ASIC2: variants seen among roughly 807,000 people sequenced by gnomAD.
The protein encoded by ASIC2 is acid sensing ion channel subunit 2.
In ASIC2, 25 loss-of-function variants were observed where a neutral mutation model predicts 57.3. That is an observed-to-expected ratio of 0.44 (90% CI 0.32 to 0.61). The LOEUF (loss-of-function observed/expected upper bound fraction) is 0.61, where lower values mean the gene tolerates loss of function less well. Among genes scored for constraint, ASIC2 ranks in the 20% least tolerant of loss-of-function variants. The pLI is 0.06. For synonymous variants in ASIC2, 319 were observed against 307.5 expected (o/e 1.04, Z -0.39); for missense variants, 641 against 738.1 (o/e 0.87, Z 1.52).
rs1441917621 is a variant in ASIC2, at chr17:33,824,780, C to T, written c.555+331198G>A. Among the ~76,000 whole-genome samples the T allele has an allele frequency of 6.4e-3, 40 of 6,234 alleles. 1 individual carries two copies. The highest frequency in any genetic ancestry group is 0.04 in the African/African-American group (38 of 944). 4.1% of individuals were successfully genotyped at this position (6,234 alleles called of 152,430 possible). The stretch of plus-strand genomic sequence containing the variant: ...CCCTGCACAAGCTGTCTTGCAAGCC[C>T]CATGCAAGATGTCCCTCTGCTCTTC... On this transcript the variant is annotated intron_variant, in intron 1 of 9. Transcript: ENST00000359872.
At chr17:34,090,286 T>G (rs9896741) in intron 1 of ASIC2, among the ~76,000 whole-genome samples, 1 of 152,114 alleles carries the variant, frequency 6.6e-6, no homozygotes, top group East Asian at 1.9e-4. Context: ...CCCAAATGCC[T>G]GTAGGAGAGA....
chr17:33,208,216 GT>G (rs936168410), intron 1 of ASIC2, among the ~76,000 whole-genome samples: 4 of 152,342 alleles, frequency 2.6e-5, no homozygotes, highest in African/African-American at 9.6e-5. Flanking sequence ...ACCTGCTGGT[GT>G]TGGTGTGAAG....
At chr17:33,997,356 G>A in intron 1 of ASIC2, among the ~76,000 whole-genome samples, 1 of 95,828 alleles carries the variant, frequency 1.0e-5, no homozygotes, top group South Asian at 3.5e-4. Flanking sequence ...GTTTCGCCAT[G>A]TTGCCCAGGG....
intron 1 of ASIC2, among the ~76,000 whole-genome samples, chr17:33,373,124 G>A (rs569365797): frequency 4.6e-5 from 7 of 152,324 alleles, no homozygotes; most frequent in Non-Finnish European, 7.3e-5. Flanking sequence ...ATGCCAAGAA[G>A]AGAACCCAGG....
intron 1 of ASIC2, among the ~76,000 whole-genome samples, chr17:34,098,108 T>G (rs1910611362): frequency 6.6e-6 from 1 of 152,164 alleles, no homozygotes; most frequent in Non-Finnish European, 1.5e-5. Flanking sequence ...AGAAAAATCA[T>G]GGTTGAATTA....
At chr17:33,461,023 T>C (rs1377119728) in intron 1 of ASIC2, among the ~76,000 whole-genome samples, 2 of 152,246 alleles carry the variant, frequency 1.3e-5, no homozygotes, top group Non-Finnish European at 2.9e-5. Flanking sequence ...TAATAGTCTG[T>C]TGCAGTCACA....
intron 1 of ASIC2, chr17:33,627,092 G>A (rs975046989): frequency 2.6e-5 from 4 of 152,198 alleles, no homozygotes; most frequent in Non-Finnish European, 5.9e-5. Flanking sequence ...GAGCAAGACT[G>A]TTCTCACACA....
chr17:33,726,244 T>C (rs531109950), intron 1 of ASIC2, among the ~76,000 whole-genome samples: 7 of 152,124 alleles, frequency 4.6e-5, no homozygotes, highest in Non-Finnish European at 1.0e-4. Context: ...CCAGGGGTCC[T>C]AGCATCCCAG....
In ASIC2 at chr17:33,916,464, T is replaced by C. The variant is rs546197498; in HGVS notation, c.555+239514A>G. On this transcript the variant is annotated intron_variant, in intron 1 of 9. Transcript: ENST00000359872. ...TGACATCATCTGAATCCCTGAATCA[T>C]GCCACACCTGATGACATCCCTATTT... Among the ~76,000 whole-genome samples the C allele has an allele frequency of 1.6e-4, 25 of 152,322 alleles. No individual in the cohort carries two copies. The South Asian group carries it at 5.0e-3, about 30-fold the overall frequency.
chr17:33,460,687 C>T (rs746356882), intron 1 of ASIC2, among the ~76,000 whole-genome samples: 14 of 152,192 alleles, frequency 9.2e-5, no homozygotes, highest in Admixed American at 1.3e-4. Flanking sequence ...ATGTGTCAGG[C>T]ATGAGCTTAT....
At chr17:33,856,590 C>CAGGAG (rs1913961858) in intron 1 of ASIC2, among the ~76,000 whole-genome samples, 1 of 19,716 alleles carries the variant, frequency 5.1e-5, no homozygotes. Flanking sequence ...CTGTAGTATC[C>CAGGAG]TAACAGGAAG....
intron 1 of ASIC2, among the ~76,000 whole-genome samples, chr17:33,443,406 ATTTTTT>A (rs779597047): frequency 0.016 from 1,171 of 75,258 alleles, 29 homozygotes; most frequent in South Asian, 0.14. Flanking sequence ...GGAGGGTAAG[ATTTTTT>A]TTTTTTTTTT....
intron 1 of ASIC2, among the ~76,000 whole-genome samples, chr17:34,025,542 T>C (rs1243843070): frequency 6.6e-6 from 1 of 152,220 alleles, no homozygotes; most frequent in Admixed American, 6.5e-5. Context: ...TGGTTTAGAT[T>C]ACCTCAAAGG....
chr17:33,853,519 G>A (rs1317655695), intron 1 of ASIC2, among the ~76,000 whole-genome samples: 2 of 152,214 alleles, frequency 1.3e-5, no homozygotes, highest in Non-Finnish European at 2.9e-5. Context: ...CCGTCTCTAA[G>A]CGACAACTCC....
chr17:33,729,442 T>C (rs1201822343), intron 1 of ASIC2, among the ~76,000 whole-genome samples: 2 of 152,158 alleles, frequency 1.3e-5, no homozygotes, highest in Admixed American at 6.5e-5. Flanking sequence ...TGACATGAGA[T>C]CTGGAGGGGA....
chr17:33,028,335 A>G lies in ASIC2; in HGVS notation c.1045T>C (p.Phe349Leu). The change falls in exon 4 of 10, where the codon TTT (phenylalanine) becomes CTT (leucine). Residue 349 changes from phenylalanine (F) to leucine (L), a missense_variant. Physicochemically the swap from Phe to Leu is conservative, Grantham distance 22. Coordinates refer to ENST00000225823, the MANE Select transcript of ASIC2 (RefSeq NM_183377.2). Reference protein sequence around the residue: ...ECRSSEMGLDFFPVYSITACR... With the variant: ...ECRSSEMGLDLFPVYSITACR... ...GCGGTGATGCTGTAAACAGGAAAAA[A>G]GTCGAGGCCCATCTCTGAGGATCGG... is the stretch of plus-strand genomic sequence containing the variant. 4 of 1,614,192 alleles carry G rather than the reference A, an allele frequency of 2.5e-6. No homozygotes were observed. Among genetic ancestry groups the G allele is most frequent in the Non-Finnish European group, 3.4e-6 (4 of 1,180,026 alleles).
At position 33,777,352 on chromosome 17, in the gene ASIC2, A is replaced by C. The variant is rs530702436; in HGVS notation, c.555+378626T>G. Among the ~76,000 whole-genome samples, 5 of 152,344 alleles carry C rather than the reference A, an allele frequency of 3.3e-5. No individual in the cohort carries two copies. In the South Asian group the frequency reaches 1.0e-3, roughly 32 times the overall value. ...TATCACCAGCCTTCATCACAGAATA[A>C]TTTAATTGGTTCCTCATGATGGGTC... On this transcript the variant is annotated intron_variant, in intron 1 of 9. Coordinates refer to the ASIC2 transcript ENST00000359872.
chr17:33,077,268 G>A (rs946729278), intron 3 of ASIC2, among the ~76,000 whole-genome samples: 2 of 152,038 alleles, frequency 1.3e-5, no homozygotes, highest in African/African-American at 2.4e-5. Flanking sequence ...CACATAAATC[G>A]GGAGTGATGA....
chr17:34,104,526 C>CT (rs1403123540), intron 1 of ASIC2, among the ~76,000 whole-genome samples: 4 of 151,864 alleles, frequency 2.6e-5, no homozygotes, highest in East Asian at 1.9e-4. Flanking sequence ...GCATTCTGGC[C>CT]TTTTTTTTCT....
Sources: allele counts gnomAD v4.1 joint callset (sites outside exome capture counted in the v4.1 genomes callset), GRCh38; gene constraint gnomAD v4.1.1; transcripts MANE v1.5; gene names NCBI Gene and HGNC (gene_info 2026-07-23, HGNC 2026-07-21).